LYRM4: variants seen among roughly 807,000 people sequenced by gnomAD.
The protein encoded by LYRM4 is LYR motif containing 4.
In LYRM4, 9 loss-of-function variants were observed where a neutral mutation model predicts 11.7. The observed-to-expected ratio is 0.77, with a 90% CI of 0.46 to 1.34. The LOEUF (loss-of-function observed/expected upper bound fraction) is 1.34. Ranked by LOEUF, LYRM4 falls within the 40% of genes most tolerant of loss-of-function variation. The pLI is 0.00. For missense variants in LYRM4, 133 were observed against 112.5 expected, an observed-to-expected ratio of 1.18 and a Z score of -0.82; for synonymous variants, 42 against 40.4, an observed-to-expected ratio of 1.04 and a Z score of -0.15.
the LYRM4 span, among the ~76,000 whole-genome samples, chr6:5,047,946 G>A: frequency 6.6e-6 from 1 of 152,138 alleles, no homozygotes; most frequent in African/African-American, 2.4e-5. Flanking sequence ...TCCACCCTGA[G>A]GTCACCATTA....
At chr6:5,124,170 C>T (rs1309061249) in intron 2 of LYRM4, among the ~76,000 whole-genome samples, 1 of 152,170 alleles carries the variant, frequency 6.6e-6, no homozygotes, top group Non-Finnish European at 1.5e-5. Flanking sequence ...GTCCCTGAGG[C>T]CCAGTTTACT....
chr6:5,201,257 G>A (rs750120637), intron 2 of LYRM4, among the ~76,000 whole-genome samples: 2 of 152,016 alleles, frequency 1.3e-5, no homozygotes, highest in East Asian at 3.9e-4. Flanking sequence ...TCCCCATCAA[G>A]GATGGGGACA....
the LYRM4 span, chr6:5,088,126 A>T: frequency 6.6e-6 from 1 of 152,004 alleles, no homozygotes; most frequent in Non-Finnish European, 1.5e-5. Context: ...ACGGAGTTTC[A>T]CTCTTGTCGC....
At chr6:5,188,271 T>A (rs965091786) in intron 2 of LYRM4, among the ~76,000 whole-genome samples, 1 of 151,860 alleles carries the variant, frequency 6.6e-6, no homozygotes, top group African/African-American at 2.4e-5. Context: ...GCCAGCTACT[T>A]AGGAGGCTGA....
intron 2 of LYRM4, among the ~76,000 whole-genome samples, chr6:5,134,358 A>T (rs364886): frequency 0.61 from 92,537 of 152,098 alleles, 28,629 homozygotes; most frequent in East Asian, 0.81. Context: ...AAGGAAAAAG[A>T]AGAGCAAGGA....
the LYRM4 span, among the ~76,000 whole-genome samples, chr6:5,048,303 G>GTT: frequency 7.5e-6 from 1 of 133,836 alleles, no homozygotes; most frequent in Non-Finnish European, 1.5e-5. Context: ...GTGTGTGTGT[G>GTT]TGTGTGTGTG....
chr6:5,150,489 C>T (rs532094660), intron 2 of LYRM4, among the ~76,000 whole-genome samples: 7 of 152,156 alleles, frequency 4.6e-5, no homozygotes, highest in East Asian at 1.9e-4. Flanking sequence ...ATAATAATGA[C>T]ACCTCATAGG....
chr6:5,238,842 G>A (rs1763699268), intron 1 of LYRM4, among the ~76,000 whole-genome samples: 1 of 152,118 alleles, frequency 6.6e-6, no homozygotes, highest in African/African-American at 2.4e-5. Flanking sequence ...AACATAATAA[G>A]GTCTTGGACA....
chr6:5,230,835 G>GT (rs1398259673), intron 1 of LYRM4, among the ~76,000 whole-genome samples: 1 of 152,122 alleles, frequency 6.6e-6, no homozygotes, highest in Non-Finnish European at 1.5e-5. Context: ...AAGGGGACAC[G>GT]TATCAGTCAT....
At chr6:5,118,079 A>AATATATAT (rs113661997) in intron 2 of LYRM4, among the ~76,000 whole-genome samples, 4 of 40,362 alleles carry the variant, frequency 9.9e-5, no homozygotes, top group Admixed American at 2.3e-4. Context: ...TCACCAAAAC[A>AATATATAT]ATATATATAT....
intron 2 of LYRM4, among the ~76,000 whole-genome samples, chr6:5,155,237 G>T (rs994349198): frequency 6.6e-6 from 1 of 151,986 alleles, no homozygotes; most frequent in Non-Finnish European, 1.5e-5. Context: ...ATGCGCCACC[G>T]CCTGGATAAT....
Position 5,109,557 on chromosome 6 carries a change from G to A in LYRM4, c.208-66C>T, listed in dbSNP as rs190469338. Reference sequence around the variant, plus strand: ...TCTAGCCCCTGGGAAAGGCCAGAAGGAACATTTCCTAACATTTCTAATACA... The same window carrying A: ...TCTAGCCCCTGGGAAAGGCCAGAAGAAACATTTCCTAACATTTCTAATACA... On this transcript the variant is annotated intron_variant, in intron 2 of 2. Coordinates refer to ENST00000330636, the MANE Select transcript of LYRM4 (RefSeq NM_020408.6). 3.9e-4 allele frequency: 571 copies of A among 1,480,296 alleles called. 1 individual carries two copies. The African/African-American group carries it at 6.6e-3, about 17-fold the overall frequency. 91.7% of individuals were successfully genotyped at this position (1,480,296 alleles called of 1,614,324 possible). A position where few individuals can be genotyped will look rare whatever the true frequency, so the allele number is the denominator to read the frequency against.
At chr6:5,094,733 C>A in the LYRM4 span, among the ~76,000 whole-genome samples, 1 of 152,086 alleles carries the variant, frequency 6.6e-6, no homozygotes, top group South Asian at 2.1e-4. Flanking sequence ...TGCTGCATGA[C>A]TGTATGGTGG....
chr6:5,085,591 C>T, the LYRM4 span: 2 of 1,546,122 alleles, frequency 1.3e-6, no homozygotes, highest in Non-Finnish European at 1.7e-6. Context: ...CCCCTGTGTG[C>T]AGGGTGGCGG....
chr6:5,084,462 G>C, the LYRM4 span: 1 of 152,086 alleles, frequency 6.6e-6, no homozygotes, highest in Admixed American at 6.5e-5. Context: ...TGCCGCGTGG[G>C]CGCCGGCCCC....
chr6:5,255,380 A>T (rs1273848846), intron 1 of LYRM4, among the ~76,000 whole-genome samples: 2 of 152,210 alleles, frequency 1.3e-5, no homozygotes, highest in African/African-American at 2.4e-5. Context: ...CATGAAAGAG[A>T]CTTGCACTAG....
At chr6:5,197,893 C>T (rs938503880) in intron 2 of LYRM4, among the ~76,000 whole-genome samples, 10 of 151,772 alleles carry the variant, frequency 6.6e-5, no homozygotes, top group African/African-American at 1.5e-4. Context: ...AAGGCAGCGC[C>T]GGGTGCGGTG....
At chr6:5,070,861 CCT>C in the LYRM4 span, among the ~76,000 whole-genome samples, 1 of 123,852 alleles carries the variant, frequency 8.1e-6, no homozygotes, top group Non-Finnish European at 1.7e-5. Flanking sequence ...ACAGGAAGAC[CCT>C]GTCTTGAAAA....
chr6:5,103,364 A>C (rs1380629277), downstream of LYRM4: 5 of 152,176 alleles, frequency 3.3e-5, no homozygotes, highest in East Asian at 9.6e-4. Flanking sequence ...GATCTCAGCA[A>C]ATGTGTACAT....
Sources: gnomAD v4.1 joint callset for allele counts (sites outside exome capture counted in the v4.1 genomes callset) on GRCh38, gnomAD v4.1.1 for gene constraint, MANE v1.5 for transcripts, NCBI Gene and HGNC (gene_info 2026-07-23, HGNC 2026-07-21) for gene names.